Variants in CPLANE1 observed in about 807,000 individuals in gnomAD.
The protein encoded by CPLANE1 is ciliogenesis and planar polarity effector complex subunit 1.
Under a neutral mutation model 362.5 loss-of-function variants are expected in CPLANE1, and 263 were observed. The ratio of observed to expected loss-of-function variants is 0.73; its 90% CI spans 0.66 to 0.80. The LOEUF is 0.80. Ranked by LOEUF, CPLANE1 falls within the 30% of genes least tolerant of loss-of-function variation. The pLI is 0.00. For missense variants in CPLANE1, 3,461 were observed against 3,793.4 expected (o/e 0.91, Z 2.30); for synonymous variants, 1,212 against 1,302.6 (o/e 0.93, Z 1.50).
downstream of CPLANE1, among the ~76,000 whole-genome samples, chr5:37,104,892 C>T (rs1250090295): frequency 6.6e-6 from 1 of 152,168 alleles, no homozygotes; most frequent in Non-Finnish European, 1.5e-5. Context: ...CATTGCACTC[C>T]AGCCTGGGTG....
chr5:37,084,143 C>T, the CPLANE1 span, among the ~76,000 whole-genome samples: 1 of 152,186 alleles, frequency 6.6e-6, no homozygotes, highest in Non-Finnish European at 1.5e-5. Context: ...TCAAACAAAA[C>T]AATTAGCAGC....
Position 37,169,447 on chromosome 5 carries a change from C to T in CPLANE1, c.6577G>A (p.Gly2193Arg). The change falls in exon 34 of 53, where the codon GGA (glycine) becomes AGA (arginine). Residue 2193 changes from glycine (G) to arginine (R), a missense_variant. Coordinates refer to ENST00000651892, the MANE Select transcript of CPLANE1 (RefSeq NM_001384732.1). ...GACAAAAGGTAGAGGTGAGTATTTC[C>T]AGCAGGAGCTGGATAAAACGAAGTG... is the stretch of plus-strand genomic sequence containing the variant. ...PSTSFYPAPA[G>R]NTHLYLLSTP... 6.2e-7 allele frequency: 1 copy of T among 1,614,114 alleles called. No homozygotes were observed.
intron 15 of CPLANE1, among the ~76,000 whole-genome samples, chr5:37,219,087 T>C (rs1794793638): frequency 6.6e-6 from 1 of 151,606 alleles, no homozygotes; most frequent in South Asian, 2.1e-4. Context: ...TATACAGAAG[T>C]CTTTCACCCT....
chr5:37,152,086 G>A (rs897309197), intron 42 of CPLANE1, among the ~76,000 whole-genome samples: 2 of 152,084 alleles, frequency 1.3e-5, no homozygotes, highest in Non-Finnish European at 2.9e-5. Flanking sequence ...CAACATGCTA[G>A]CAACCTGGAA....
chr5:37,138,411 T>G (rs1041801097), intron 46 of CPLANE1: 1 of 428,962 alleles, frequency 2.3e-6, no homozygotes, highest in African/African-American at 2.0e-5. Context: ...CTATTTAAAA[T>G]GTATTCTAAG....
At position 37,245,595 on chromosome 5, in the gene CPLANE1, G is replaced by C. The variant is rs139496915; in HGVS notation, c.221C>G (p.Ala74Gly). ...VIVLTTSSND[A>G]WLAGVLTTGE... ...TGTAGTTAGTACCCCAGCCAGCCAGGCATCTGTTTCCAAAAATGAAATGCA... is the reference window on the plus strand; with the variant it reads ...TGTAGTTAGTACCCCAGCCAGCCAGCCATCTGTTTCCAAAAATGAAATGCA... Residue 74 changes from alanine (A) to glycine (G), a missense_variant, in exon 4 of 53, where the codon GCC becomes GGC. Physicochemically the swap from Ala to Gly is moderately conservative, Grantham distance 60. Coordinates refer to ENST00000651892, the MANE Select transcript of CPLANE1 (RefSeq NM_001384732.1). The C allele has an allele frequency of 2.7e-6, 4 of 1,506,938 alleles. No homozygotes were observed. The South Asian group carries it at 5.3e-5, about 20-fold the overall frequency. The allele number at this position is 1,506,938 out of a possible 1,614,324, so 93.3% of individuals were successfully genotyped here.
chr5:37,168,868 G>C lies in CPLANE1; in HGVS notation c.7156C>G (p.Pro2386Ala). 6.2e-7 allele frequency: 1 copy of C among 1,613,980 alleles called. No individual in the cohort carries two copies. Among genetic ancestry groups the C allele is most frequent in the Non-Finnish European group, 8.5e-7 (1 of 1,179,866 alleles). ...SRASITVPSTPIQPIAEERKY... is the reference protein window; with the variant it reads ...SRASITVPSTAIQPIAEERKY... Reference sequence around the variant, plus strand: ...CTTTCTTCTGCTATAGGTTGGATAGGTGTTGAGGGAACTGTAATAGATGCT... The same window carrying C: ...CTTTCTTCTGCTATAGGTTGGATAGCTGTTGAGGGAACTGTAATAGATGCT... The change falls in exon 34 of 53, where the codon CCT (proline) becomes GCT (alanine). Residue 2386 changes from proline to alanine, a missense_variant. Physicochemically the swap from Pro to Ala is conservative, Grantham distance 27 (BLOSUM62 -1). This residue lies in a region of CPLANE1 where 3,380 missense variants were observed against 3,666.1 expected (regional missense o/e 0.92). Coordinates refer to ENST00000651892, the MANE Select transcript of CPLANE1 (RefSeq NM_001384732.1).
At chr5:37,136,625 G>T (rs1467767709) in intron 46 of CPLANE1, among the ~76,000 whole-genome samples, 1 of 152,220 alleles carries the variant, frequency 6.6e-6, no homozygotes, top group African/African-American at 2.4e-5. Flanking sequence ...CCTAGCAGAG[G>T]TTCTCCATGA....
chr5:37,227,180 G>A, intron 11 of CPLANE1, 63 bp downstream of exon 11: 1 of 1,524,214 alleles, frequency 6.6e-7, no homozygotes, highest in South Asian at 1.3e-5. Context: ...GAGAAAAACA[G>A]AATATGTTTC....
intron 42 of CPLANE1, among the ~76,000 whole-genome samples, chr5:37,153,245 A>G (rs1181215074): frequency 1.3e-5 from 2 of 152,172 alleles, no homozygotes; most frequent in African/African-American, 4.8e-5. Flanking sequence ...CAAAACTTTA[A>G]GCATCTTCAG....
the CPLANE1 span, chr5:37,085,400 C>A: frequency 1.7e-6 from 2 of 1,174,766 alleles, no homozygotes; most frequent in Non-Finnish European, 2.6e-6. Flanking sequence ...GTATTACACC[C>A]GAGGAGGCTA....
At chr5:37,167,927 T>A (rs1194348835) in intron 34 of CPLANE1, among the ~76,000 whole-genome samples, 1 of 152,224 alleles carries the variant, frequency 6.6e-6, no homozygotes, top group African/African-American at 2.4e-5. Context: ...CCCTGAAGCC[T>A]TGGGAATTGG....
the CPLANE1 span, among the ~76,000 whole-genome samples, chr5:37,092,634 T>C: frequency 6.6e-6 from 1 of 152,152 alleles, no homozygotes; most frequent in African/African-American, 2.4e-5. Flanking sequence ...CCATGTCCCA[T>C]TCCCCTATGA....
downstream of CPLANE1, among the ~76,000 whole-genome samples, chr5:37,105,073 G>A (rs1757491107): frequency 6.6e-6 from 1 of 152,124 alleles, no homozygotes; most frequent in African/African-American, 2.4e-5. Context: ...AGGCCAAGGC[G>A]GGAGGATCAC....
chr5:37,102,995 A>G (rs1757369539), downstream of CPLANE1, among the ~76,000 whole-genome samples: 1 of 152,182 alleles, frequency 6.6e-6, no homozygotes, highest in South Asian at 2.1e-4. Flanking sequence ...GGGGTGTTAA[A>G]GTGTCCAGTA....
chr5:37,116,643 T>C (rs1457076992), intron 50 of CPLANE1, among the ~76,000 whole-genome samples: 1 of 150,456 alleles, frequency 6.6e-6, no homozygotes, highest in Non-Finnish European at 1.5e-5. Flanking sequence ...TTCCTAACAG[T>C]ATGGAAGCAG....
chr5:37,076,932 T>C, the CPLANE1 span, among the ~76,000 whole-genome samples: 1 of 150,958 alleles, frequency 6.6e-6, no homozygotes, highest in African/African-American at 2.4e-5. Flanking sequence ...GGCTCTACTC[T>C]GGGCAGTAGC....
intron 27 of CPLANE1, 76 bp from the exon 28 acceptor site, chr5:37,180,259 T>G (rs917958759): frequency 3.1e-4 from 315 of 1,005,460 alleles, no homozygotes; most frequent in Non-Finnish European, 3.7e-4. Flanking sequence ...GTTTTTTTTT[T>G]GTTTTTTTTT....
Position 37,187,742 on chromosome 5 carries a change from T to C in CPLANE1, c.3912A>G (p.Lys1304=), listed in dbSNP as rs1313486266. ...TTGCCCTGGTAAATACCTTTTCTCC[T>C]TTTACATTTTCTCTTGCTTTCTGAT... ...RQYQKARENV[K]GEKDLEVEFD... Residue 1304 remains lysine, a synonymous_variant, in exon 22 of 53, where the codon AAA becomes AAG. Coordinates refer to ENST00000651892, the MANE Select transcript of CPLANE1 (RefSeq NM_001384732.1). The C allele has an allele frequency of 3.1e-6, 5 of 1,612,728 alleles. No individual in the cohort carries two copies. Among genetic ancestry groups the C allele is most frequent in the Non-Finnish European group, 3.4e-6 (4 of 1,179,068 alleles).
Sources: gnomAD v4.1 joint callset for allele counts (sites outside exome capture counted in the v4.1 genomes callset) on GRCh38, gnomAD v4.1.1 for gene constraint, gnomAD v4.1.1 regional missense constraint, MANE v1.5 for transcripts, NCBI Gene and HGNC (gene_info 2026-07-23, HGNC 2026-07-21) for gene names.